ME3: variants seen among roughly 807,000 people sequenced by gnomAD.
ME3 encodes malic enzyme 3, also known as NADP-dependent malic enzyme, mitochondrial.
A neutral mutation model predicts 68.9 loss-of-function variants in ME3; 48 were observed. The observed-to-expected ratio is 0.70, with a 90% confidence interval of 0.55 to 0.89. ME3 has a LOEUF of 0.89. Ranked by LOEUF, ME3 falls within the 40% of genes least tolerant of loss-of-function variation. The pLI is 0.00. For synonymous variants in ME3, 320 were observed against 318.8 expected (o/e 1.00, Z -0.04); for missense variants, 675 against 797.4 (o/e 0.85, Z 1.85).
chr11:86,635,352 G>A (rs545204573), intron 2 of ME3, among the ~76,000 whole-genome samples: 2 of 152,314 alleles, frequency 1.3e-5, no homozygotes, highest in African/African-American at 2.4e-5. Flanking sequence ...TGCAAGCCAG[G>A]GAGAGGGCCC....
At chr11:86,614,612 C>T (rs560654099) in intron 2 of ME3, among the ~76,000 whole-genome samples, 21 of 152,146 alleles carry the variant, frequency 1.4e-4, no homozygotes, top group Admixed American at 2.6e-4. Flanking sequence ...GCCTTATCTT[C>T]GACCTCAATT....
chr11:86,438,169 T>C (rs1421528066), downstream of ME3, among the ~76,000 whole-genome samples: 1 of 152,236 alleles, frequency 6.6e-6, no homozygotes, highest in South Asian at 2.1e-4. Flanking sequence ...CTACTTTGTT[T>C]AGGGTTTTTT....
At chr11:86,604,143 T>C (rs1374982991) in intron 2 of ME3, among the ~76,000 whole-genome samples, 3 of 151,150 alleles carry the variant, frequency 2.0e-5, no homozygotes, top group Non-Finnish European at 3.0e-5. Flanking sequence ...GATAGGAGTG[T>C]CTGGGTTGTG....
At chr11:86,542,682 T>C (rs908143298) in intron 4 of ME3, among the ~76,000 whole-genome samples, 1 of 152,200 alleles carries the variant, frequency 6.6e-6, no homozygotes, top group Non-Finnish European at 1.5e-5. Flanking sequence ...GTTTGATTGG[T>C]GTACCTGAAA....
In ME3 at chr11:86,556,537, C is replaced by T. The variant is rs370302031; in HGVS notation, c.467+16G>A. The T allele has an allele frequency of 1.7e-4, 275 of 1,611,600 alleles. No individual in the cohort carries two copies. The highest frequency in any genetic ancestry group is 2.2e-4 in the Non-Finnish European group (259 of 1,178,758). ...GAGGCAGCCCCTCCCAGAGCCCTCA[C>T]TCCACGGGGGCTCACCGGGGCCTGC... On this transcript the variant is annotated intron_variant, in intron 4 of 14. Transcript: ENST00000543262.
At chr11:86,603,848 A>C (rs1388907232) in intron 2 of ME3, among the ~76,000 whole-genome samples, 1 of 151,022 alleles carries the variant, frequency 6.6e-6, no homozygotes, top group Admixed American at 6.6e-5. Context: ...CACAAGGACA[A>C]AAAACCAAGC....
Position 86,554,765 on chromosome 11 carries a change from C to T in ME3, c.467+1788G>A, listed in dbSNP as rs1165061740. 3.9e-5 allele frequency among the ~76,000 whole-genome samples: 6 copies of T among 152,294 alleles called. No individual in the cohort carries two copies. In the East Asian group the frequency reaches 9.6e-4, roughly 24 times the overall value. On this transcript the variant is annotated intron_variant, in intron 4 of 14. Transcript: ENST00000543262. ...AAGAACCAATTCTTCACACTGAGTA[C>T]ACAGCATTACTTTCCCAACCGAGTG...
chr11:86,609,350 AC>A, intron 2 of ME3, among the ~76,000 whole-genome samples: 1 of 152,278 alleles, frequency 6.6e-6, no homozygotes, highest in Non-Finnish European at 1.5e-5. Context: ...CTCTGAAATG[AC>A]CATGATTCTG....
At chr11:86,531,687 A>C (rs1440278729) in intron 4 of ME3, among the ~76,000 whole-genome samples, 1 of 152,188 alleles carries the variant, frequency 6.6e-6, no homozygotes, top group African/African-American at 2.4e-5. Context: ...TGATGAGTTC[A>C]TGTCCTTTGT....
chr11:86,578,122 A>T (rs1958222222), intron 2 of ME3, among the ~76,000 whole-genome samples: 1 of 152,174 alleles, frequency 6.6e-6, no homozygotes, highest in African/African-American at 2.4e-5. Context: ...GGATAGTTGG[A>T]AAGATTATGA....
intron 8 of ME3, among the ~76,000 whole-genome samples, chr11:86,459,569 CA>C (rs1950122718): frequency 6.6e-6 from 1 of 151,898 alleles, no homozygotes; most frequent in African/African-American, 2.4e-5. Flanking sequence ...CCAACCATAA[CA>C]GATGCTGGCC....
At chr11:86,554,208 C>T (rs1025097451) in intron 4 of ME3, among the ~76,000 whole-genome samples, 2 of 152,202 alleles carry the variant, frequency 1.3e-5, no homozygotes, top group African/African-American at 4.8e-5. Flanking sequence ...GAAGCCACTA[C>T]AATCTAGTTT....
intron 2 of ME3, among the ~76,000 whole-genome samples, chr11:86,606,124 A>G (rs1961610852): frequency 6.6e-6 from 1 of 152,192 alleles, no homozygotes; most frequent in South Asian, 2.1e-4. Context: ...GAGAATAACA[A>G]CAATATCATG....
intron 6 of ME3, among the ~76,000 whole-genome samples, chr11:86,495,279 A>T (rs1236785501): frequency 6.6e-6 from 1 of 152,222 alleles, no homozygotes; most frequent in East Asian, 1.9e-4. Flanking sequence ...TGAGTGGTCC[A>T]TAAAAAGGGC....
chr11:86,534,081 G>GTGTATATA (rs1361825219), intron 4 of ME3, among the ~76,000 whole-genome samples: 1 of 127,508 alleles, frequency 7.8e-6, no homozygotes, highest in African/African-American at 3.2e-5. Flanking sequence ...GTGTGTGTGT[G>GTGTATATA]TATATATATA....
intron 7 of ME3, among the ~76,000 whole-genome samples, chr11:86,482,653 T>C (rs1168051931): frequency 6.6e-6 from 1 of 151,314 alleles, no homozygotes; most frequent in African/African-American, 2.4e-5. Context: ...CAGTTCCAGG[T>C]CTCATCCTTA....
chr11:86,535,298 C>A (rs1955577292), intron 4 of ME3, among the ~76,000 whole-genome samples: 1 of 152,190 alleles, frequency 6.6e-6, no homozygotes, highest in East Asian at 1.9e-4. Context: ...ACCATGCCAA[C>A]ATCACATCTA....
chr11:86,573,747 G>A (rs1957933629), intron 2 of ME3, among the ~76,000 whole-genome samples: 2 of 152,142 alleles, frequency 1.3e-5, no homozygotes, highest in African/African-American at 4.8e-5. Context: ...TGCCCATTCA[G>A]TATGATATTG....
At chr11:86,494,601 A>G (rs1952198801) in intron 6 of ME3, among the ~76,000 whole-genome samples, 1 of 152,032 alleles carries the variant, frequency 6.6e-6, no homozygotes, top group South Asian at 2.1e-4. Flanking sequence ...TAAGGATCAG[A>G]CCCAGGGAAG....
Sources: allele counts gnomAD v4.1 joint callset (sites outside exome capture counted in the v4.1 genomes callset), GRCh38; gene constraint gnomAD v4.1.1; transcripts MANE v1.5; gene names NCBI Gene and HGNC (gene_info 2026-07-23, HGNC 2026-07-21).